Variants in COQ10B observed in about 807,000 individuals in gnomAD.
The protein encoded by COQ10B is coenzyme Q10B.
Under a neutral mutation model 27.6 loss-of-function variants are expected in COQ10B, and 12 were observed. That is an observed-to-expected ratio of 0.43 (90% CI 0.28 to 0.70). The LOEUF is 0.70. Among genes scored for constraint, COQ10B ranks in the 30% least tolerant of loss-of-function variants. COQ10B has a pLI of 0.17. For synonymous variants in COQ10B, 115 were observed against 103.0 expected (o/e 1.12, Z -0.71); for missense variants, 278 against 288.7 (o/e 0.96, Z 0.27).
At chr2:197,457,446 A>G (rs1258479802) in intron 1 of COQ10B, among the ~76,000 whole-genome samples, 2 of 152,214 alleles carry the variant, frequency 1.3e-5, no homozygotes, top group African/African-American at 4.8e-5. Context: ...TCTTACCACT[A>G]TTATAAAATC....
Position 197,462,572 on chromosome 2 carries a change from G to A in COQ10B, c.288G>A (p.Ser96=), listed in dbSNP as rs78602515. The change falls in exon 3 of 5, where the codon TCG becomes TCA. Residue 96 remains serine, a synonymous_variant. Coordinates refer to ENST00000263960, the MANE Select transcript of COQ10B (RefSeq NM_025147.5). ...TGCAGGAAATGTATGATGTAGTATC[G>A]GGAGTGGAGGATTACAAGCATTTTG... ...YSMQEMYDVV[S]GVEDYKHFVP... is the part of the protein sequence containing the mutation. The A allele has an allele frequency of 1.1e-3, 1,750 of 1,589,740 alleles. 21 individuals carry two copies. In the African/African-American group the frequency reaches 0.018, roughly 17 times the overall value.
chr2:197,461,100 G>A (rs1040961949), intron 2 of COQ10B, among the ~76,000 whole-genome samples: 1 of 152,162 alleles, frequency 6.6e-6, no homozygotes, highest in African/African-American at 2.4e-5. Flanking sequence ...TGTAGTAAAA[G>A]ACTTAACAGC....
At chr2:197,457,202 T>C (rs1168805549) in intron 1 of COQ10B, among the ~76,000 whole-genome samples, 1 of 152,204 alleles carries the variant, frequency 6.6e-6, no homozygotes, top group Non-Finnish European at 1.5e-5. Flanking sequence ...CTGTGCAGCC[T>C]GGTTCCTAAC....
chr2:197,454,714 G>A (rs886148955), intron 1 of COQ10B, among the ~76,000 whole-genome samples: 2 of 152,100 alleles, frequency 1.3e-5, no homozygotes, highest in Non-Finnish European at 2.9e-5. Flanking sequence ...TTACTTTTGA[G>A]AAAAATACAG....
intron 4 of COQ10B, among the ~76,000 whole-genome samples, chr2:197,472,135 G>GTT (rs200237360): frequency 2.1e-5 from 3 of 143,962 alleles, no homozygotes; most frequent in Admixed American, 7.0e-5. Flanking sequence ...TTATTTTGTA[G>GTT]TTTTTTTTTT....
Position 197,473,772 on chromosome 2 carries a change from C to A in COQ10B, c.565C>A (p.Arg189=). The stretch of plus-strand genomic sequence containing the variant: ...TTTCCTACAGATTTCTTTTGAATTT[C>A]GATCACTTCTACATTCCCAGCTTGC... ...TLDFSISFEF[R]SLLHSQLATL... is the part of the protein sequence containing the mutation. The change falls in exon 5 of 5, where the codon CGA becomes AGA. Residue 189 remains arginine, a synonymous_variant. Coordinates refer to ENST00000263960, the MANE Select transcript of COQ10B (RefSeq NM_025147.5). 1 of 1,487,628 alleles carries A rather than the reference C, an allele frequency of 6.7e-7. No homozygotes were observed. Among genetic ancestry groups the A allele is most frequent in the Non-Finnish European group, 9.0e-7 (1 of 1,113,430 alleles). The allele number at this position is 1,487,628 out of a possible 1,614,324, so 92.2% of individuals were successfully genotyped here.
intron 2 of COQ10B, among the ~76,000 whole-genome samples, chr2:197,462,075 C>G (rs1382518953): frequency 6.6e-6 from 1 of 152,006 alleles, no homozygotes; most frequent in African/African-American, 2.4e-5. Context: ...CGAGACCGTT[C>G]TGGCTAACAC....
intron 2 of COQ10B, 129 bp downstream of exon 2, chr2:197,460,210 C>CA: frequency 2.7e-6 from 1 of 374,352 alleles, no homozygotes; most frequent in Non-Finnish European, 4.6e-6. Flanking sequence ...TGGCCTTTTT[C>CA]TTTTTTTTTT....
intron 2 of COQ10B, among the ~76,000 whole-genome samples, chr2:197,461,832 G>A (rs1018121169): frequency 6.6e-6 from 1 of 151,812 alleles, no homozygotes. Context: ...GTAGAGACCG[G>A]GTTTTACCAT....
At chr2:197,462,884 A>G (rs960876762) in intron 3 of COQ10B, among the ~76,000 whole-genome samples, 153 bp downstream of exon 3, 8 of 152,228 alleles carry the variant, frequency 5.3e-5, no homozygotes, top group African/African-American at 1.7e-4. Context: ...ACTTTATACA[A>G]TGTTAGCATT....
chr2:197,471,323 G>A (rs1047905419), intron 4 of COQ10B, among the ~76,000 whole-genome samples: 4 of 151,952 alleles, frequency 2.6e-5, no homozygotes, highest in African/African-American at 9.7e-5. Flanking sequence ...TGTATTCTAT[G>A]TAGGGATGGG....
chr2:197,460,180 C>A, intron 2 of COQ10B, 99 bp downstream of exon 2: 5 of 757,704 alleles, frequency 6.6e-6, no homozygotes, highest in Non-Finnish European at 9.9e-6. Flanking sequence ...TTCTTACAGA[C>A]TAAGCTCTCT....
At chr2:197,469,927 A>T in intron 3 of COQ10B, 143 bp from the exon 4 acceptor site, 1 of 460,712 alleles carries the variant, frequency 2.2e-6, no homozygotes, top group South Asian at 4.3e-5. Context: ...CCAAGCTAAA[A>T]ATTAGATATC....
chr2:197,471,801 G>T (rs1043802526), intron 4 of COQ10B, among the ~76,000 whole-genome samples: 1 of 152,008 alleles, frequency 6.6e-6, no homozygotes, highest in African/African-American at 2.4e-5. Flanking sequence ...AATTAGCCGG[G>T]TGTGGTGGTG....
At chr2:197,473,415 A>AAATATATATATAT (rs1229206676) in intron 4 of COQ10B, among the ~76,000 whole-genome samples, 2 of 59,522 alleles carry the variant, frequency 3.4e-5, no homozygotes, top group Non-Finnish European at 5.8e-5. Context: ...AAAAAAAAAA[A>AAATATATATATAT]ATATATATAT....
At position 197,462,567 on chromosome 2, in the gene COQ10B, G is replaced by A. The variant is rs1387063232; in HGVS notation, c.283G>A (p.Val95Ile). ...TTCAATGCAGGAAATGTATGATGTAGTATCGGGAGTGGAGGATTACAAGCA... is the reference window on the plus strand; with the variant it reads ...TTCAATGCAGGAAATGTATGATGTAATATCGGGAGTGGAGGATTACAAGCA... Reference protein sequence around the residue: ...GYSMQEMYDVVSGVEDYKHFV... With the variant: ...GYSMQEMYDVISGVEDYKHFV... Residue 95 changes from valine (V) to isoleucine (I), a missense_variant, in exon 3 of 5, where the codon GTA becomes ATA. By Grantham distance (29) the Val-to-Ile change is conservative. Transcript: ENST00000263960. 1 of 1,589,082 alleles carries A rather than the reference G, an allele frequency of 6.3e-7. No individual in the cohort carries two copies. Among genetic ancestry groups the A allele is most frequent in the South Asian group, 1.1e-5 (1 of 87,758 alleles).
At chr2:197,464,903 T>G (rs1164454202) in intron 3 of COQ10B, among the ~76,000 whole-genome samples, 2 of 150,180 alleles carry the variant, frequency 1.3e-5, no homozygotes, top group Non-Finnish European at 3.0e-5. Context: ...AGATGGAGTC[T>G]CACTCTGTCG....
intron 1 of COQ10B, among the ~76,000 whole-genome samples, chr2:197,457,782 C>G (rs575551540): frequency 6.6e-6 from 1 of 152,024 alleles, no homozygotes; most frequent in Non-Finnish European, 1.5e-5. Context: ...CCACCACACC[C>G]GGCTAATTTT....
intron 2 of COQ10B, among the ~76,000 whole-genome samples, chr2:197,460,832 T>TA (rs2085749819): frequency 6.6e-6 from 1 of 152,176 alleles, no homozygotes; most frequent in Non-Finnish European, 1.5e-5. Flanking sequence ...CAGACATAGA[T>TA]AATATTTAAA....
Sources: allele counts gnomAD v4.1 joint callset (sites outside exome capture counted in the v4.1 genomes callset), GRCh38; gene constraint gnomAD v4.1.1; transcripts MANE v1.5; gene names NCBI Gene and HGNC (gene_info 2026-07-23, HGNC 2026-07-21).